Variants in SPMIP8 observed in about 807,000 individuals in gnomAD.
SPMIP8 encodes sperm microtubule inner protein 8.
At chr16:57,985,302 G>A in the SPMIP8 span, 2 of 1,556,286 alleles carry the variant, frequency 1.3e-6, no homozygotes, top group Non-Finnish European at 8.7e-7. Flanking sequence ...GTCCCTGAGC[G>A]GGGAGCGGGG....
chr16:57,987,808 G>A, the SPMIP8 span: 1 of 209,082 alleles, frequency 4.8e-6, no homozygotes, highest in Non-Finnish European at 9.5e-6. Context: ...CCACACCCAA[G>A]CCCCCTCCAT....
At chr16:57,978,769 C>T in the SPMIP8 span, among the ~76,000 whole-genome samples, 1 of 152,032 alleles carries the variant, frequency 6.6e-6, no homozygotes, top group African/African-American at 2.4e-5. Context: ...ATACGTGCCA[C>T]CCTGCCCTGC....
the SPMIP8 span, chr16:57,985,392 G>C: frequency 6.2e-7 from 1 of 1,607,708 alleles, no homozygotes; most frequent in Non-Finnish European, 8.5e-7. Flanking sequence ...TCAGGACCAC[G>C]GTCTCTAGCA....
chr16:57,980,084 A>G, the SPMIP8 span, among the ~76,000 whole-genome samples: 1 of 152,192 alleles, frequency 6.6e-6, no homozygotes, highest in Non-Finnish European at 1.5e-5. Flanking sequence ...AAATAAATGT[A>G]TAAGTTTAGA....
chr16:57,982,052 A>G, the SPMIP8 span, among the ~76,000 whole-genome samples: 5 of 152,322 alleles, frequency 3.3e-5, no homozygotes, highest in African/African-American at 1.2e-4. Flanking sequence ...AAAGAATACT[A>G]CTATGAGTAC....
the SPMIP8 span, chr16:57,985,944 A>G: frequency 1.1e-5 from 18 of 1,612,426 alleles, no homozygotes; most frequent in Middle Eastern, 1.7e-4. Context: ...AGCTACAGGT[A>G]GGGGAACGGT....
the SPMIP8 span, chr16:57,976,779 C>G: frequency 1.1e-6 from 1 of 925,748 alleles, no homozygotes; most frequent in Non-Finnish European, 1.6e-6. Flanking sequence ...GATCTAAGGT[C>G]CTCTCTCCTC....
At chr16:57,979,078 A>G in the SPMIP8 span, among the ~76,000 whole-genome samples, 1 of 152,256 alleles carries the variant, frequency 6.6e-6, no homozygotes, top group Non-Finnish European at 1.5e-5. Flanking sequence ...GTGGGCCTTC[A>G]GGGCAAAAGA....
the SPMIP8 span, chr16:57,985,297 T>C: frequency 6.5e-7 from 1 of 1,542,108 alleles, no homozygotes; most frequent in Admixed American, 2.1e-5. Flanking sequence ...GACCCGTCCC[T>C]GAGCGGGGAG....
chr16:57,980,452 G>A, the SPMIP8 span, among the ~76,000 whole-genome samples: 2 of 152,304 alleles, frequency 1.3e-5, no homozygotes, highest in African/African-American at 2.4e-5. Context: ...TCTGTATGCT[G>A]GGCAGGACCA....
the SPMIP8 span, chr16:57,985,892 G>T: frequency 1.9e-6 from 3 of 1,609,802 alleles, no homozygotes; most frequent in East Asian, 6.7e-5. Flanking sequence ...GTGCTCACCC[G>T]CCCCGTTCTT....
At chr16:57,985,779 T>C in the SPMIP8 span, 1 of 1,294,536 alleles carries the variant, frequency 7.7e-7, no homozygotes, top group Non-Finnish European at 1.0e-6. Context: ...GGCGTTCGCA[T>C]TGGGTGAAGG....
chr16:57,982,267 T>C, the SPMIP8 span, among the ~76,000 whole-genome samples: 1 of 152,214 alleles, frequency 6.6e-6, no homozygotes, highest in African/African-American at 2.4e-5. Context: ...ATCTCCCCAA[T>C]TGCCCTCAAA....
chr16:57,986,079 G>A, the SPMIP8 span: 3 of 1,106,538 alleles, frequency 2.7e-6, no homozygotes, highest in Non-Finnish European at 2.5e-6. Context: ...TCCTGGGAGG[G>A]CGCGAGCTGC....
the SPMIP8 span, chr16:57,985,672 C>T: frequency 7.5e-7 from 1 of 1,340,442 alleles, no homozygotes; most frequent in Non-Finnish European, 1.0e-6. Flanking sequence ...GGCTCCAATA[C>T]ACCAGAAACA....
chr16:57,977,129 G>A, the SPMIP8 span, among the ~76,000 whole-genome samples: 2 of 152,030 alleles, frequency 1.3e-5, no homozygotes, highest in South Asian at 2.1e-4. Flanking sequence ...GAATAGACTC[G>A]CCAGGCAAGG....
the SPMIP8 span, chr16:57,987,460 G>A: frequency 6.3e-7 from 1 of 1,576,414 alleles, no homozygotes; most frequent in Non-Finnish European, 8.6e-7. Flanking sequence ...CAGGCTGCCG[G>A]ACGGTGCCAC....
chr16:57,984,874 G>A, the SPMIP8 span: 10 of 1,506,154 alleles, frequency 6.6e-6, no homozygotes, highest in African/African-American at 1.4e-5. Flanking sequence ...AGCAGGGAAC[G>A]TGGACTGCGG....
chr16:57,985,348 G>C, the SPMIP8 span: 412 of 1,574,468 alleles, frequency 2.6e-4, 1 homozygote, highest in African/African-American at 3.6e-3. Context: ...GGGGGTTGAG[G>C]GGGGAGGAGA....
Sources: allele counts gnomAD v4.1 joint callset (sites outside exome capture counted in the v4.1 genomes callset), GRCh38; gene constraint gnomAD v4.1.1; transcripts MANE v1.5; gene names NCBI Gene and HGNC (gene_info 2026-07-23, HGNC 2026-07-21).